The following DAP3 variants were observed in gnomAD, a reference collection of about 807,000 sequenced individuals.
DAP3 encodes the protein small ribosomal subunit protein mS29.
A neutral mutation model predicts 51.9 loss-of-function variants in DAP3; 28 were observed. The ratio of observed to expected loss-of-function variants is 0.54; its 90% confidence interval spans 0.40 to 0.74. DAP3 has a LOEUF of 0.74. Among genes scored for constraint, DAP3 ranks in the 30% least tolerant of loss-of-function variants. The pLI is 0.00. For missense variants in DAP3, 458 were observed against 483.5 expected, an observed-to-expected ratio of 0.95 and a Z score of 0.49; for synonymous variants, 170 against 170.3, an observed-to-expected ratio of 1.00 and a Z score of 0.01.
At chr1:155,695,431 TG>T (rs1446004938) in intron 1 of DAP3, among the ~76,000 whole-genome samples, 1 of 152,196 alleles carries the variant, frequency 6.6e-6, no homozygotes, top group Non-Finnish European at 1.5e-5. Context: ...GATAGTTGTT[TG>T]TAAGTCCTGT....
At chr1:155,733,934 C>T (rs912564865) in intron 11 of DAP3, among the ~76,000 whole-genome samples, 4 of 152,022 alleles carry the variant, frequency 2.6e-5, no homozygotes, top group Non-Finnish European at 4.4e-5. Flanking sequence ...CAGAAGGATC[C>T]CTTGAGCTCA....
intron 3 of DAP3, among the ~76,000 whole-genome samples, chr1:155,718,268 C>T (rs1657553502): frequency 6.6e-6 from 1 of 152,160 alleles, no homozygotes; most frequent in Non-Finnish European, 1.5e-5. Flanking sequence ...CACCTGTAAT[C>T]CCAGCTACTC....
chr1:155,692,071 C>G (rs1306133068), intron 1 of DAP3, among the ~76,000 whole-genome samples: 1 of 141,902 alleles, frequency 7.0e-6, no homozygotes, highest in Non-Finnish European at 1.5e-5. Context: ...TACACATAAT[C>G]TGTAGCAGTG....
intron 6 of DAP3, chr1:155,726,933 C>T (rs1232155200): frequency 6.6e-6 from 1 of 152,174 alleles, no homozygotes; most frequent in Non-Finnish European, 1.5e-5. Flanking sequence ...CGGCTAAAAG[C>T]TTCCTGAAGC....
upstream of DAP3, chr1:155,688,589 C>A: frequency 6.5e-7 from 1 of 1,536,548 alleles, no homozygotes; most frequent in Non-Finnish European, 8.7e-7. Flanking sequence ...CCACGGGAAC[C>A]TCCTCGCCCA....
intron 2 of DAP3, among the ~76,000 whole-genome samples, chr1:155,714,252 G>C (rs1459511132): frequency 6.6e-6 from 1 of 151,998 alleles, no homozygotes; most frequent in Non-Finnish European, 1.5e-5. Flanking sequence ...TTTTTTTATT[G>C]TCGGGGTCTC....
intron 1 of DAP3, among the ~76,000 whole-genome samples, chr1:155,701,054 G>C (rs939267116): frequency 3.0e-5 from 4 of 132,854 alleles, no homozygotes; most frequent in African/African-American, 7.0e-5. Flanking sequence ...AGGGAGGTGG[G>C]GGGGGGTCAG....
At chr1:155,709,917 T>C (rs757952600) in intron 2 of DAP3, 93 bp downstream of exon 2, 5 of 1,263,328 alleles carry the variant, frequency 4.0e-6, no homozygotes, top group Non-Finnish European at 5.6e-6. Context: ...TAGAGTGAAA[T>C]GCTCTGGAAA....
At position 155,717,109 on chromosome 1, in the gene DAP3, G is replaced by A. The variant is rs149919712; in HGVS notation, c.149G>A (p.Arg50His). 147 of 1,613,770 alleles carry A rather than the reference G, an allele frequency of 9.1e-5. No individual in the cohort carries two copies. The highest frequency in any genetic ancestry group is 7.4e-4 in the East Asian group (33 of 44,880). Residue 50 changes from arginine to histidine, a missense_variant, in exon 3 of 13, where the codon CGC becomes CAC. By Grantham distance (29) the Arg-to-His change is conservative. Transcript: ENST00000368336. ...GTTGAGAGTCCGAGAGCTATTTCCCGCACCAATGAGAATGACCCGGTGAGT... is the reference window on the plus strand; with the variant it reads ...GTTGAGAGTCCGAGAGCTATTTCCCACACCAATGAGAATGACCCGGTGAGT... The part of the protein sequence containing the change: ...VPVESPRAIS[R>H]TNENDPAKHG...
At chr1:155,706,036 T>C (rs1165909099) in intron 1 of DAP3, among the ~76,000 whole-genome samples, 1 of 152,074 alleles carries the variant, frequency 6.6e-6, no homozygotes, top group Non-Finnish European at 1.5e-5. Flanking sequence ...TTAGACCAGA[T>C]CTGAGTGTAT....
At chr1:155,696,041 G>A (rs1317524285) in intron 1 of DAP3, among the ~76,000 whole-genome samples, 2 of 152,090 alleles carry the variant, frequency 1.3e-5, no homozygotes, top group Non-Finnish European at 2.9e-5. Context: ...TTTATTTATT[G>A]GAACTATAAT....
At chr1:155,726,348 G>A (rs531924155) in intron 6 of DAP3, 119 of 162,506 alleles carry the variant, frequency 7.3e-4, no homozygotes, top group Non-Finnish European at 1.4e-3. Flanking sequence ...GAGTGCAGTG[G>A]CACGATCTCA....
intron 4 of DAP3, chr1:155,722,080 G>A: frequency 5.7e-6 from 1 of 175,348 alleles, no homozygotes; most frequent in South Asian, 1.5e-4. Flanking sequence ...TCTTTAGTGT[G>A]GTTTATTTCG....
intron 6 of DAP3, chr1:155,726,228 C>T: frequency 2.8e-6 from 1 of 359,136 alleles, no homozygotes; most frequent in Admixed American, 4.7e-5. Flanking sequence ...ATTCTCCTGC[C>T]TCAGCCTCCC....
upstream of DAP3, chr1:155,688,681 C>T (rs1653118362): frequency 1.3e-6 from 2 of 1,530,464 alleles, no homozygotes; most frequent in Non-Finnish European, 1.7e-6. Context: ...GAGCCCAAGC[C>T]TTCTCCACCT....
chr1:155,688,603 C>T, upstream of DAP3: 1 of 1,535,692 alleles, frequency 6.5e-7, no homozygotes, highest in Non-Finnish European at 8.7e-7. Context: ...TCGCCCAGTT[C>T]TCCACTCCCC....
Position 155,689,111 on chromosome 1 carries a change from T to G in DAP3, c.-71T>G, listed in dbSNP as rs1441189369. 1.7e-6 allele frequency: 2 copies of G among 1,209,034 alleles called. No homozygotes were observed. Among genetic ancestry groups the G allele is most frequent in the East Asian group, 2.5e-5 (1 of 39,478 alleles). The allele number at this position is 1,209,034 out of a possible 1,614,324, so 74.9% of individuals were successfully genotyped here. ...TTTTTGCAGTCTCAGGACGGGCGCTTTGGAGCCGGCCCCAGGCAGCGTGTG... is the reference window on the plus strand; with the variant it reads ...TTTTTGCAGTCTCAGGACGGGCGCTGTGGAGCCGGCCCCAGGCAGCGTGTG... On this transcript the variant is annotated 5_prime_UTR_variant, in exon 1 of 13. Coordinates refer to ENST00000368336, the MANE Select transcript of DAP3 (RefSeq NM_004632.4).
At chr1:155,689,970 A>AATTTGCTCAT (rs1653500748) in intron 1 of DAP3, among the ~76,000 whole-genome samples, 2 of 142,980 alleles carry the variant, frequency 1.4e-5, no homozygotes, top group African/African-American at 6.2e-5. Flanking sequence ...TCCTAGGCAT[A>AATTTGCTCAT]GGGAAGGTGC....
chr1:155,694,480 C>T (rs769029102), intron 1 of DAP3, among the ~76,000 whole-genome samples: 4 of 141,544 alleles, frequency 2.8e-5, no homozygotes, highest in Non-Finnish European at 4.4e-5. Context: ...TCAGGTTACT[C>T]GAGGTTAGTG....
Sources: allele counts gnomAD v4.1 joint callset (sites outside exome capture counted in the v4.1 genomes callset), GRCh38; gene constraint gnomAD v4.1.1; transcripts MANE v1.5; gene names NCBI Gene and HGNC (gene_info 2026-07-23, HGNC 2026-07-21).